The following APP variants were observed in gnomAD, a reference collection of about 807,000 sequenced individuals.
The protein encoded by APP is amyloid beta precursor protein.
Under a neutral mutation model 101.4 loss-of-function variants are expected in APP, and 31 were observed. The ratio of observed to expected loss-of-function variants is 0.31; its 90% CI spans 0.23 to 0.41. The LOEUF (loss-of-function observed/expected upper bound fraction) is 0.41, where lower values mean the gene tolerates loss of function less well. Ranked by LOEUF, APP falls within the 10% of genes least tolerant of loss-of-function variation. The probability of loss-of-function intolerance (pLI) is 1.00; values close to 1 mark genes in which losing one functional copy is unlikely to be tolerated. For synonymous variants in APP, 366 were observed against 364.4 expected (o/e 1.00, Z -0.05); for missense variants, 839 against 1,003.7 (o/e 0.84, Z 2.22).
intron 6 of APP, among the ~76,000 whole-genome samples, chr21:26,000,963 GTAT>G (rs1029680389): frequency 2.0e-5 from 3 of 151,380 alleles, no homozygotes; most frequent in Non-Finnish European, 4.4e-5. Flanking sequence ...TTAAAAATCT[GTAT>G]TATTTGTATA....
chr21:25,987,617 C>T (rs1256831978), intron 8 of APP, among the ~76,000 whole-genome samples: 2 of 152,184 alleles, frequency 1.3e-5, no homozygotes, highest in South Asian at 4.1e-4. Flanking sequence ...TAGTACATCA[C>T]TGCTTCAAGG....
Position 25,908,263 on chromosome 21 carries a change from T to C in APP, c.1910-3186A>G, listed in dbSNP as rs548824897. 2.6e-5 allele frequency among the ~76,000 whole-genome samples: 4 copies of C among 152,366 alleles called. No individual in the cohort carries two copies. The South Asian group carries it at 8.3e-4, about 32-fold the overall frequency. ...GTGAAAACCAAAGAATAAAAAATTG[T>C]TAAGGCAAATCACAGCACATTGGAA... On this transcript the variant is annotated intron_variant, in intron 14 of 17. Transcript: ENST00000346798.
Position 25,911,744 on chromosome 21 carries a change from C to G in APP, c.1906G>C (p.Glu636Gln). ...TGCTGGCTCAGGGGACTCTTACCTT[C>G]GTTTTCTGTGTTGGCTGGCACAGAG... ...ADSVPANTENEVEPVDARPAA... is the reference protein window; with the variant it reads ...ADSVPANTENQVEPVDARPAA... The change falls in exon 14 of 18, where the codon GAA (glutamate) becomes CAA (glutamine). Residue 636 changes from glutamate to glutamine, a missense_variant. By Grantham distance (29) the Glu-to-Gln change is conservative. Coordinates refer to ENST00000346798, the MANE Select transcript of APP (RefSeq NM_000484.4). 1 of 1,614,074 alleles carries G rather than the reference C, an allele frequency of 6.2e-7. No individual in the cohort carries two copies. The highest frequency in any genetic ancestry group is 8.5e-7 in the Non-Finnish European group (1 of 1,180,026).
chr21:26,065,002 C>T (rs574408421), intron 3 of APP, among the ~76,000 whole-genome samples: 2 of 152,160 alleles, frequency 1.3e-5, no homozygotes, highest in South Asian at 2.1e-4. Flanking sequence ...TACAGGCCTG[C>T]GCCACCACGC....
intron 13 of APP, among the ~76,000 whole-genome samples, chr21:25,918,211 G>A (rs1178829341): frequency 2.0e-5 from 3 of 152,238 alleles, no homozygotes; most frequent in Non-Finnish European, 2.9e-5. Flanking sequence ...TCATTCTACT[G>A]TAAAGACACA....
chr21:25,958,829 G>A (rs1415420015), intron 11 of APP, among the ~76,000 whole-genome samples: 6 of 152,128 alleles, frequency 3.9e-5, no homozygotes, highest in Non-Finnish European at 7.3e-5. Context: ...TGTATTGACT[G>A]CTTCTGAATG....
chr21:26,130,144 T>C (rs930410902), intron 1 of APP, among the ~76,000 whole-genome samples: 9 of 152,200 alleles, frequency 5.9e-5, no homozygotes, highest in African/African-American at 1.9e-4. Flanking sequence ...AAGAAAGGAA[T>C]AGATGGTCAT....
chr21:26,140,133 A>G (rs1023466599), intron 1 of APP: 10 of 1,489,432 alleles, frequency 6.7e-6, no homozygotes, highest in South Asian at 2.4e-5. Flanking sequence ...AACAATGCCA[A>G]CTTCACAGTA....
At chr21:26,136,202 AAAAGAAAAG>A (rs1294851779) in intron 1 of APP, among the ~76,000 whole-genome samples, 1 of 100,604 alleles carries the variant, frequency 9.9e-6, no homozygotes, top group Non-Finnish European at 2.0e-5. Context: ...AGAAAGAAAG[AAAAGAAAAG>A]AAAGAAAAGA....
chr21:25,944,088 T>A (rs1364118547), intron 13 of APP, among the ~76,000 whole-genome samples: 1 of 151,558 alleles, frequency 6.6e-6, no homozygotes, highest in African/African-American at 2.4e-5. Flanking sequence ...ACAATACAAG[T>A]TGTTGCCAAG....
intron 16 of APP, among the ~76,000 whole-genome samples, chr21:25,892,735 C>CTGTT (rs1317097334): frequency 6.6e-6 from 1 of 152,156 alleles, no homozygotes. Context: ...TTGCTTCATA[C>CTGTT]TGTTTATAAA....
At chr21:25,889,615 C>T (rs747266995) in intron 17 of APP, among the ~76,000 whole-genome samples, 4 of 152,094 alleles carry the variant, frequency 2.6e-5, no homozygotes, top group South Asian at 4.2e-4. Flanking sequence ...TTGGGGAGGG[C>T]GGATCACTTG....
chr21:26,082,918 A>G (rs17001683), intron 3 of APP, among the ~76,000 whole-genome samples: 7,212 of 152,210 alleles, frequency 0.047, 372 homozygotes, highest in East Asian at 0.23. Context: ...TCAATTAACT[A>G]CTTCCTAAGG....
At chr21:25,969,905 A>AGAGGG (rs796868333) in intron 11 of APP, among the ~76,000 whole-genome samples, 1 of 79,426 alleles carries the variant, frequency 1.3e-5, no homozygotes, top group Non-Finnish European at 2.3e-5. Context: ...AGAGAAGAGA[A>AGAGGG]GAGGGGAGGG....
chr21:26,077,389 G>A (rs1267807214), intron 3 of APP, among the ~76,000 whole-genome samples: 1 of 152,142 alleles, frequency 6.6e-6, no homozygotes, highest in Non-Finnish European at 1.5e-5. Flanking sequence ...TCTGTATTGT[G>A]AGTCTGCCAG....
chr21:25,918,395 G>C (rs545735207), intron 13 of APP, among the ~76,000 whole-genome samples: 139 of 152,328 alleles, frequency 9.1e-4, no homozygotes, highest in Non-Finnish European at 1.4e-3. Context: ...GGCCGAATAG[G>C]AACAGCTCCG....
intron 13 of APP, among the ~76,000 whole-genome samples, chr21:25,948,900 A>G (rs1161148700): frequency 6.6e-6 from 1 of 152,222 alleles, no homozygotes; most frequent in Admixed American, 6.5e-5. Context: ...GGATTAATAA[A>G]TAATTAAAGC....
chr21:26,019,331 G>A (rs1416814737), intron 6 of APP, among the ~76,000 whole-genome samples: 2 of 152,058 alleles, frequency 1.3e-5, no homozygotes, highest in Admixed American at 6.6e-5. Flanking sequence ...CCTTTCCATG[G>A]CACCACATTT....
chr21:25,964,018 GT>G (rs1222372204), intron 11 of APP, among the ~76,000 whole-genome samples: 1 of 152,182 alleles, frequency 6.6e-6, no homozygotes, highest in Non-Finnish European at 1.5e-5. Context: ...TGTTTCTTAA[GT>G]TTTAACAATA....
Sources: gnomAD v4.1 joint callset for allele counts (sites outside exome capture counted in the v4.1 genomes callset) on GRCh38, gnomAD v4.1.1 for gene constraint, MANE v1.5 for transcripts, NCBI Gene and HGNC (gene_info 2026-07-23, HGNC 2026-07-21) for gene names.